The following CDC42BPG variants were observed in gnomAD, a reference collection of about 807,000 sequenced individuals.
CDC42BPG encodes serine/threonine-protein kinase MRCK gamma.
Under a neutral mutation model 192.2 loss-of-function variants are expected in CDC42BPG, and 157 were observed. The observed-to-expected ratio is 0.82, with a 90% CI of 0.72 to 0.93. CDC42BPG has a LOEUF of 0.93. Ranked by LOEUF, CDC42BPG falls within the 40% of genes least tolerant of loss-of-function variation. The pLI, the probability that CDC42BPG is intolerant of heterozygous loss-of-function variation, is 0.00. For missense variants in CDC42BPG, 1,992 were observed against 2,122.1 expected (o/e 0.94, Z 1.20); for synonymous variants, 981 against 918.5 (o/e 1.07, Z -1.23).
intron 28 of CDC42BPG, chr11:64,830,468 T>C (rs1315461397): frequency 1.7e-6 from 1 of 605,980 alleles, no homozygotes; most frequent in Non-Finnish European, 2.9e-6. Context: ...GCTGTGGGAT[T>C]TTGGGTAAGT....
In CDC42BPG at chr11:64,835,782, C is replaced by G; in HGVS notation, c.1738G>C (p.Glu580Gln). 1 of 1,613,478 alleles carries G rather than the reference C, an allele frequency of 6.2e-7. No homozygotes were observed. Among genetic ancestry groups the G allele is most frequent in the South Asian group, 1.1e-5 (1 of 91,072 alleles). The change falls in exon 14 of 37, where the codon GAG becomes CAG. Residue 580 changes from glutamate (E) to glutamine (Q), a missense_variant. Glu to Gln is a conservative substitution (Grantham distance 29, BLOSUM62 2). Around this residue, in one of 2 missense-constraint regions of CDC42BPG, gnomAD observed 1,656 missense variants for 1,844.3 expected, o/e 0.90. Coordinates refer to ENST00000342711, the MANE Select transcript of CDC42BPG (RefSeq NM_017525.3). ...QLQGQWEQRL[E>Q]ESSQAKTIHT... is the part of the protein sequence containing the mutation. ...ACTACCTTGGCCTGGGACGACTCCT[C>G]AAGGCGTTGCTCCCACTGTCCCTGC...
chr11:64,826,830 A>G, intron 34 of CDC42BPG, 36 bp from the exon 35 acceptor site: 1 of 1,469,948 alleles, frequency 6.8e-7, no homozygotes, highest in Admixed American at 2.6e-5. Context: ...TGGGACTAGC[A>G]GGCACAAGGA....
Position 64,829,697 on chromosome 11 carries a change from T to A in CDC42BPG, c.3741A>T (p.Ala1247=). The A allele has an allele frequency of 6.2e-7, 1 of 1,611,128 alleles. No individual in the cohort carries two copies. The highest frequency in any genetic ancestry group is 1.3e-5 in the African/African-American group (1 of 74,992). Residue 1247 remains alanine, a synonymous_variant, in exon 30 of 37, where the codon GCA becomes GCT. Transcript: ENST00000342711. ...CAGCCTCGTTGAGCAGCGGGTAGAG[T>A]GCAAAGCCACCGGCGGCGCCCACAC... ...RLCVGAAGGF[A]LYPLLNEAAP...
At chr11:64,834,636 C>G in intron 18 of CDC42BPG, 59 bp from the exon 19 acceptor site, 1 of 1,478,120 alleles carries the variant, frequency 6.8e-7, no homozygotes, top group African/African-American at 1.4e-5. Context: ...CTCAGGGACC[C>G]CCTGCTACCA....
chr11:64,829,812 C>T lies in CDC42BPG; in HGVS notation c.3626G>A (p.Gly1209Asp), dbSNP rs377087536. 5 of 1,605,098 alleles carry T rather than the reference C, an allele frequency of 3.1e-6. No individual in the cohort carries two copies. The East Asian group carries it at 8.9e-5, about 29-fold the overall frequency. The change falls in exon 30 of 37, where the codon GGC becomes GAC. Residue 1209 changes from glycine to aspartate, a missense_variant. Physicochemically the swap from Gly to Asp is moderately conservative, Grantham distance 94. Coordinates refer to ENST00000342711, the MANE Select transcript of CDC42BPG (RefSeq NM_017525.3). ...GCGCTGCCAGGGCCCAGGGCCCGGG[C>T]CCAGCTGGTAGCAGAGCACCTGGCG... ...VKRQVLCYQL[G>D]PGPGPWQRRI...
chr11:64,837,208 G>A (rs1430786327), intron 9 of CDC42BPG, among the ~76,000 whole-genome samples, 189 bp from the exon 10 acceptor site: 3 of 152,238 alleles, frequency 2.0e-5, no homozygotes, highest in African/African-American at 2.4e-5. Context: ...CCGGGTCCAG[G>A]CCCAGGTTTA....
In CDC42BPG at chr11:64,827,050, C is replaced by T. The variant is rs1296648181; in HGVS notation, c.4389G>A (p.Pro1463=). ...NGRPGARDKS[P]APEEKGRVAR... is the part of the protein sequence containing the mutation. The stretch of plus-strand genomic sequence containing the variant: ...TTGTGATTGGCTCCAGAGGACTAAC[C>T]GGGGACTTGTCCCTGGCGCCGGGCC... Residue 1463 remains proline (P), a splice_region_variant and synonymous_variant, in exon 34 of 37, where the codon CCG becomes CCA. Coordinates refer to ENST00000342711, the MANE Select transcript of CDC42BPG (RefSeq NM_017525.3). 2 of 1,600,970 alleles carry T rather than the reference C, an allele frequency of 1.2e-6. No individual in the cohort carries two copies. Among genetic ancestry groups the T allele is most frequent in the Non-Finnish European group, 1.7e-6 (2 of 1,168,770 alleles).
Position 64,832,829 on chromosome 11 carries a change from C to T in CDC42BPG, c.2862G>A (p.Leu954=), listed in dbSNP as rs1427673518. The part of the protein sequence containing the change: ...TGTGTAYEGF[L]SVPRPSGVRR... ...CCCTCCCTCGGCCCCCACTCACCGA[C>T]AGAAAGCCCTCATAGGCAGTGCCTG... The change falls in exon 25 of 37, where the codon CTG becomes CTA. Residue 954 remains leucine (L), a synonymous_variant. Coordinates refer to ENST00000342711, the MANE Select transcript of CDC42BPG (RefSeq NM_017525.3). The T allele has an allele frequency of 1.3e-5, 21 of 1,586,692 alleles. No homozygotes were observed. Among genetic ancestry groups the T allele is most frequent in the Non-Finnish European group, 1.5e-5 (18 of 1,166,928 alleles).
rs151181857 is a variant in CDC42BPG, at chr11:64,839,377, G to A, written c.675+101C>T. 224 of 1,483,536 alleles carry A rather than the reference G, an allele frequency of 1.5e-4. 1 individual carries two copies. The African/African-American group carries it at 2.3e-3, about 16-fold the overall frequency. The allele number at this position is 1,483,536 out of a possible 1,614,324, so 91.9% of individuals were successfully genotyped here. ...GGCCTGGGTCTCACCCACCTTCCCCGGGGGGCCTGATGCCTCTGCACTAGG... is the reference window on the plus strand; with the variant it reads ...GGCCTGGGTCTCACCCACCTTCCCCAGGGGGCCTGATGCCTCTGCACTAGG... On this transcript the variant is annotated intron_variant, in intron 6 of 36. Transcript: ENST00000342711.
intron 34 of CDC42BPG, 83 bp downstream of exon 34, chr11:64,826,967 G>A (rs1022404879): frequency 1.4e-5 from 17 of 1,192,340 alleles, no homozygotes; most frequent in Admixed American, 7.9e-5. Flanking sequence ...ACAGCGGCCC[G>A]TGATTGGCTA....
Position 64,840,569 on chromosome 11 carries a change from T to C in CDC42BPG, c.416A>G (p.Gln139Arg), listed in dbSNP as rs1341172265. 1.2e-6 allele frequency: 2 copies of C among 1,613,864 alleles called. No homozygotes were observed. Among genetic ancestry groups the C allele is most frequent in the East Asian group, 2.2e-5 (1 of 44,890 alleles). The change falls in exon 4 of 37, where the codon CAA becomes CGA. Residue 139 changes from glutamine to arginine, a missense_variant. Around this residue, in one of 2 missense-constraint regions of CDC42BPG, gnomAD observed 1,656 missense variants for 1,844.3 expected, o/e 0.90. Transcript: ENST00000342711. ...TATCCTCACCAGGTACTCCTCGTCT[T>C]GGAAGGCATAGTGCAGAGTGGTCAC... ...RWVTTLHYAF[Q>R]DEEYLYLVMD...
At position 64,844,488 on chromosome 11, in the gene CDC42BPG, G is replaced by C. The variant is rs956188127; in HGVS notation, c.82C>G (p.Leu28Val). The change falls in exon 1 of 37, where the codon CTG becomes GTG. Residue 28 changes from leucine to valine, a missense_variant. Coordinates refer to ENST00000342711, the MANE Select transcript of CDC42BPG (RefSeq NM_017525.3). ...AGCTCGTGGTGCAGCGCCAGCAGCA[G>C]ATCTAGGAGGCCGTCGAGCCCCGGG... ...GCPGLDGLLD[L>V]LLALHHELSS... 5.7e-6 allele frequency: 8 copies of C among 1,401,254 alleles called. No individual in the cohort carries two copies. The Middle Eastern group carries it at 7.7e-4, about 134-fold the overall frequency. 86.8% of individuals were successfully genotyped at this position (1,401,254 alleles called of 1,614,324 possible).
intron 36 of CDC42BPG, among the ~76,000 whole-genome samples, chr11:64,825,057 C>T (rs1169395833): frequency 3.3e-5 from 5 of 152,124 alleles, no homozygotes; most frequent in African/African-American, 9.7e-5. Context: ...GCTGGGATTA[C>T]AAGCATGCAC....
intron 28 of CDC42BPG, among the ~76,000 whole-genome samples, chr11:64,830,664 T>G (rs11231886): frequency 0.21 from 32,049 of 152,178 alleles, 4,269 homozygotes; most frequent in East Asian, 0.53. Context: ...CTCTCCTGTG[T>G]CTCCCGCCCT....
At chr11:64,836,588 G>C in intron 11 of CDC42BPG, 58 bp from the exon 12 acceptor site, 1 of 1,503,418 alleles carries the variant, frequency 6.7e-7, no homozygotes, top group Non-Finnish European at 9.2e-7. Flanking sequence ...CTCAGCCCAG[G>C]AGCAAGTCTC....
At chr11:64,835,878 T>C in intron 13 of CDC42BPG, 27 bp from the exon 14 acceptor site, 1 of 1,584,318 alleles carries the variant, frequency 6.3e-7, no homozygotes, top group Non-Finnish European at 8.6e-7. Flanking sequence ...GGCAGGCCAC[T>C]GCCAACTCTG....
At position 64,838,108 on chromosome 11, in the gene CDC42BPG, C is replaced by T. The variant is rs1159593217; in HGVS notation, c.1180G>A (p.Val394Met). The T allele has an allele frequency of 6.4e-6, 10 of 1,552,854 alleles. No individual in the cohort carries two copies. The highest frequency in any genetic ancestry group is 2.4e-5 in the East Asian group (1 of 41,194). Residue 394 changes from valine to methionine, a missense_variant, in exon 9 of 37, where the codon GTG becomes ATG. By Grantham distance (21) the Val-to-Met change is conservative. Coordinates refer to ENST00000342711, the MANE Select transcript of CDC42BPG (RefSeq NM_017525.3). ...GAFSGHHLPF[V>M]GFTYTSGSHS... ...CTGCCTGAGGTGTAGGTGAAGCCCA[C>T]GAATGGCAGGTGATGGCCGGAGAAG...
At chr11:64,835,977 C>A (rs1344680894) in intron 13 of CDC42BPG, 126 bp from the exon 14 acceptor site, 1 of 1,299,022 alleles carries the variant, frequency 7.7e-7, no homozygotes, top group Non-Finnish European at 1.1e-6. Flanking sequence ...CCAGACTGCC[C>A]CGTCCCAGCC....
intron 19 of CDC42BPG, 27 bp from the exon 20 acceptor site, chr11:64,834,381 C>T (rs1942866969): frequency 1.3e-6 from 2 of 1,562,824 alleles, no homozygotes; most frequent in South Asian, 2.3e-5. Flanking sequence ...GGGCTCGCCA[C>T]TGGCCTCTGT....
Sources: gnomAD v4.1 joint callset for allele counts (sites outside exome capture counted in the v4.1 genomes callset) on GRCh38, gnomAD v4.1.1 for gene constraint, gnomAD v4.1.1 regional missense constraint, MANE v1.5 for transcripts, NCBI Gene and HGNC (gene_info 2026-07-23, HGNC 2026-07-21) for gene names.